Variants in CTNND2 observed in about 807,000 individuals in gnomAD.
CTNND2 encodes the protein catenin delta 2.
CTNND2 carries 22 observed loss-of-function variants against 144.4 expected under a neutral mutation model. The ratio of observed to expected loss-of-function variants is 0.15; its 90% CI spans 0.11 to 0.22. The LOEUF (loss-of-function observed/expected upper bound fraction) is 0.22, where lower values mean the gene tolerates loss of function less well. CTNND2 is among the 10% of genes least tolerant of loss of function. The pLI is 1.00. For missense variants in CTNND2, 1,353 were observed against 1,618.8 expected (o/e 0.84, Z 2.82); for synonymous variants, 751 against 695.6 (o/e 1.08, Z -1.25).
At chr5:11,331,634 A>G (rs1753150192) in intron 9 of CTNND2, among the ~76,000 whole-genome samples, 3 of 152,196 alleles carry the variant, frequency 2.0e-5, no homozygotes, top group Non-Finnish European at 4.4e-5. Flanking sequence ...ATACCTGACT[A>G]TTTGTACTTA....
Position 11,022,967 on chromosome 5 carries a change from A to G in CTNND2, c.2801T>C (p.Met934Thr). ...RNKELIGKYA[M>T]RDLVHRLPGG... Reference sequence around the variant, plus strand: ...TGGAAGCCTGTGGACTAGGTCTCGCATGGCGTATTTGCCTGGAAAAGAAAA... The same window carrying G: ...TGGAAGCCTGTGGACTAGGTCTCGCGTGGCGTATTTGCCTGGAAAAGAAAA... Residue 934 changes from methionine to threonine, a missense_variant, in exon 17 of 22, where the codon ATG (methionine) becomes ACG (threonine). Met to Thr is a moderately conservative substitution (Grantham distance 81). Coordinates refer to ENST00000304623, the MANE Select transcript of CTNND2 (RefSeq NM_001332.4). 2 of 1,614,152 alleles carry G rather than the reference A, an allele frequency of 1.2e-6. No individual in the cohort carries two copies. The highest frequency in any genetic ancestry group is 1.1e-5 in the South Asian group (1 of 91,084).
intron 1 of CTNND2, among the ~76,000 whole-genome samples, chr5:11,888,030 T>C (rs1736683839): frequency 6.6e-6 from 1 of 152,232 alleles, no homozygotes; most frequent in South Asian, 2.1e-4. Context: ...TTTAATGCTT[T>C]CAACCTGGTA....
intron 2 of CTNND2, among the ~76,000 whole-genome samples, chr5:11,624,249 A>G (rs934549503): frequency 6.6e-6 from 1 of 152,122 alleles, no homozygotes; most frequent in African/African-American, 2.4e-5. Flanking sequence ...AGAGATAAAG[A>G]TACCAAAGCG....
At chr5:11,200,145 A>G (rs1209024094) in intron 10 of CTNND2, among the ~76,000 whole-genome samples, 1 of 152,216 alleles carries the variant, frequency 6.6e-6, no homozygotes, top group African/African-American at 2.4e-5. Context: ...GACTGGAAGA[A>G]TTGACACAAG....
intron 2 of CTNND2, among the ~76,000 whole-genome samples, chr5:11,612,751 T>G (rs1258873743): frequency 6.6e-6 from 1 of 151,824 alleles, no homozygotes; most frequent in Non-Finnish European, 1.5e-5. Flanking sequence ...AAATAAAAAA[T>G]TAGTCAAGTG....
At chr5:11,847,579 C>G (rs961015441) in intron 1 of CTNND2, among the ~76,000 whole-genome samples, 1 of 151,748 alleles carries the variant, frequency 6.6e-6, no homozygotes, top group Non-Finnish European at 1.5e-5. Flanking sequence ...GTAGGGTGAC[C>G]ACAGCAAGTA....
chr5:11,404,918 T>C (rs1581124879), intron 5 of CTNND2, among the ~76,000 whole-genome samples: 1 of 125,840 alleles, frequency 7.9e-6, no homozygotes, highest in Non-Finnish European at 1.9e-5. Flanking sequence ...CCAATATTCA[T>C]ATGTTTTAAC....
chr5:11,723,298 G>A (rs1180215819), intron 2 of CTNND2, among the ~76,000 whole-genome samples: 1 of 152,000 alleles, frequency 6.6e-6, no homozygotes, highest in Non-Finnish European at 1.5e-5. Flanking sequence ...GGATATAGTT[G>A]AGTAAATAAG....
intron 3 of CTNND2, among the ~76,000 whole-genome samples, chr5:11,521,163 TAA>T (rs1331502593): frequency 2.0e-5 from 3 of 152,178 alleles, no homozygotes; most frequent in African/African-American, 7.2e-5. Context: ...AAAATGACAC[TAA>T]GTTTTTGTTT....
At chr5:11,596,406 C>T (rs1252809480) in intron 2 of CTNND2, among the ~76,000 whole-genome samples, 2 of 152,108 alleles carry the variant, frequency 1.3e-5, no homozygotes, top group African/African-American at 4.8e-5. Flanking sequence ...TATGTCATTG[C>T]CCTTGGCTGA....
chr5:11,104,990 G>A (rs971832369), intron 14 of CTNND2, among the ~76,000 whole-genome samples: 3 of 152,224 alleles, frequency 2.0e-5, no homozygotes, highest in African/African-American at 7.2e-5. Flanking sequence ...AGTGAAGCTG[G>A]TGATGCTGCC....
chr5:11,573,299 C>T (rs978055591), intron 2 of CTNND2, among the ~76,000 whole-genome samples: 11 of 152,014 alleles, frequency 7.2e-5, no homozygotes, highest in East Asian at 3.9e-4. Context: ...GAGTTCTTGC[C>T]GCCTGGTGTC....
chr5:11,651,858 G>T (rs567810749), intron 2 of CTNND2, among the ~76,000 whole-genome samples: 4 of 152,308 alleles, frequency 2.6e-5, no homozygotes, highest in African/African-American at 9.6e-5. Flanking sequence ...TATCTTGGAA[G>T]TCAATAATTT....
At chr5:11,782,061 T>C (rs1178999049) in intron 1 of CTNND2, among the ~76,000 whole-genome samples, 1 of 152,192 alleles carries the variant, frequency 6.6e-6, no homozygotes, top group Non-Finnish European at 1.5e-5. Flanking sequence ...GTTCTTGTGA[T>C]AGTCACATGA....
chr5:11,594,691 T>A (rs1231894861), intron 2 of CTNND2, among the ~76,000 whole-genome samples: 1 of 152,144 alleles, frequency 6.6e-6, no homozygotes, highest in Admixed American at 6.5e-5. Context: ...CAAACAAATA[T>A]ACACACACAA....
Position 11,817,409 on chromosome 5 carries a change from GGGAGAGAGAGAGAGAGAGAGA to G in CTNND2, c.38-85158_38-85138del. 1.9e-4 allele frequency among the ~76,000 whole-genome samples: 2 copies of G among 10,724 alleles called. 1 individual carries two copies. The highest frequency in any genetic ancestry group is 7.6e-4 in the African/African-American group (2 of 2,642). The allele number at this position is 10,724 out of a possible 152,430, so 7.0% of individuals were successfully genotyped here. On this transcript the variant is annotated intron_variant, in intron 1 of 21. Transcript: ENST00000304623. ...AGGGGGGAGAGAGAGAGAGAGAGGA[GGGAGAGAGAGAGAGAGAGAGA>G]GAGAGAGAGAGAGAGAGAGAGAGAG...
chr5:11,582,893 A>T (rs569632016), intron 2 of CTNND2, among the ~76,000 whole-genome samples: 1 of 152,270 alleles, frequency 6.6e-6, no homozygotes, highest in African/African-American at 2.4e-5. Flanking sequence ...GCCTCTGACC[A>T]CCAATCTCAT....
At chr5:11,625,117 T>C (rs1781084861) in intron 2 of CTNND2, among the ~76,000 whole-genome samples, 1 of 152,072 alleles carries the variant, frequency 6.6e-6, no homozygotes, top group East Asian at 1.9e-4. Context: ...CAGATAAAAG[T>C]ATTTAAACAA....
chr5:11,876,158 T>C (rs1455453259), intron 1 of CTNND2, among the ~76,000 whole-genome samples: 1 of 151,764 alleles, frequency 6.6e-6, no homozygotes, highest in Non-Finnish European at 1.5e-5. Flanking sequence ...GGGCAGAATC[T>C]GTAATGGTAT....
Sources: gnomAD v4.1 joint callset for allele counts (sites outside exome capture counted in the v4.1 genomes callset) on GRCh38, gnomAD v4.1.1 for gene constraint, MANE v1.5 for transcripts, NCBI Gene and HGNC (gene_info 2026-07-23, HGNC 2026-07-21) for gene names.